SMG1: variants seen among roughly 807,000 people sequenced by gnomAD.
SMG1 encodes the protein SMG1 nonsense mediated mRNA decay associated PI3K related kinase, also known as serine/threonine-protein kinase SMG1.
In SMG1, 22 loss-of-function variants were observed where a neutral mutation model predicts 419.9. The observed-to-expected ratio is 0.05, with a 90% CI of 0.04 to 0.07. SMG1 has a LOEUF of 0.07. SMG1 is among the 10% of genes least tolerant of loss of function. The pLI, the probability that SMG1 is intolerant of heterozygous loss-of-function variation, is 1.00. For missense variants in SMG1, 3,185 were observed against 4,342.0 expected (o/e 0.73, Z 7.49); for synonymous variants, 1,538 against 1,553.5 (o/e 0.99, Z 0.23).
chr16:18,814,064 A>T (rs942664253), intron 60 of SMG1, among the ~76,000 whole-genome samples: 1 of 148,316 alleles, frequency 6.7e-6, no homozygotes, highest in Non-Finnish European at 1.5e-5. Flanking sequence ...AAATTAAAAA[A>T]AAATAAAATA....
intron 1 of SMG1, among the ~76,000 whole-genome samples, chr16:18,915,880 C>T (rs1203601403): frequency 3.3e-5 from 5 of 150,824 alleles, no homozygotes; most frequent in Admixed American, 3.3e-4. Flanking sequence ...ACCAGCCTGG[C>T]CAACATGGTG....
intron 33 of SMG1, among the ~76,000 whole-genome samples, chr16:18,851,407 A>ACACACACG (rs1417519628): frequency 2.0e-5 from 3 of 151,812 alleles, no homozygotes; most frequent in Non-Finnish European, 2.9e-5. Flanking sequence ...ACACACACAC[A>ACACACACG]CGCGCACGCG....
At chr16:18,883,176 T>A (rs547955377) in intron 9 of SMG1, among the ~76,000 whole-genome samples, 1 of 152,082 alleles carries the variant, frequency 6.6e-6, no homozygotes, top group African/African-American at 2.4e-5. Context: ...GGAGCCTTGA[T>A]TGGTTGATCT....
intron 10 of SMG1, among the ~76,000 whole-genome samples, chr16:18,881,669 GGCT>G (rs1296374569): frequency 2.0e-5 from 3 of 152,062 alleles, no homozygotes; most frequent in African/African-American, 7.2e-5. Flanking sequence ...TAATGTTTGA[GGCT>G]GCTGAAGTGT....
At chr16:18,850,756 A>G (rs1338028216) in intron 33 of SMG1, among the ~76,000 whole-genome samples, 2 of 151,670 alleles carry the variant, frequency 1.3e-5, no homozygotes, top group Non-Finnish European at 2.9e-5. Flanking sequence ...ACCTGCAGAA[A>G]TTTTTTTTTC....
At chr16:18,919,756 A>G (rs2038122460) in intron 1 of SMG1, among the ~76,000 whole-genome samples, 1 of 151,764 alleles carries the variant, frequency 6.6e-6, no homozygotes, top group Non-Finnish European at 1.5e-5. Context: ...ACCTGTTATA[A>G]AAAACAAACA....
In SMG1 at chr16:18,898,115, T is replaced by C. The variant is rs377759045; in HGVS notation, c.93-1159A>G. 7.3e-4 allele frequency among the ~76,000 whole-genome samples: 111 copies of C among 152,290 alleles called. 2 individuals are homozygous for C. The East Asian group carries it at 0.017, about 23-fold the overall frequency. On this transcript the variant is annotated intron_variant, in intron 1 of 62. Coordinates refer to ENST00000446231, the MANE Select transcript of SMG1 (RefSeq NM_015092.5). ...TAGAGTTTATTAGTCTTTCCTTGCT[T>C]CCAAAAATACTAAACATAAAACTTA...
chr16:18,883,352 G>C (rs1380798621), intron 9 of SMG1, among the ~76,000 whole-genome samples: 3 of 152,226 alleles, frequency 2.0e-5, no homozygotes, highest in Non-Finnish European at 2.9e-5. Flanking sequence ...GCCAAGGCTT[G>C]TCCTCCAAAG....
intron 42 of SMG1, 89 bp downstream of exon 42, chr16:18,839,609 G>A: frequency 6.6e-7 from 1 of 1,520,404 alleles, no homozygotes; most frequent in Non-Finnish European, 9.0e-7. Context: ...GACAGAGGAA[G>A]GAAGGGAAGG....
rs550552539 is a variant in SMG1, at chr16:18,861,264, T to C, written c.3696-488A>G. ...CTGCTGGCATCCCTCCGTCTCTCCC[T>C]TTTTCACCTACTTCTCTTTTTTCAA... On this transcript the variant is annotated intron_variant, in intron 25 of 62. Transcript: ENST00000446231. 212 of 152,078 alleles carry C rather than the reference T, an allele frequency of 1.4e-3. 2 individuals are homozygous for C. Among genetic ancestry groups the C allele is most frequent in the Non-Finnish European group, 1.8e-4 (12 of 68,182 alleles). The allele number at this position is 152,078 out of a possible 1,614,324, so 9.4% of individuals were successfully genotyped here. A position where few individuals can be genotyped will look rare whatever the true frequency, so the allele number is the denominator to read the frequency against.
intron 1 of SMG1, among the ~76,000 whole-genome samples, chr16:18,921,770 A>G (rs1005395023): frequency 1.3e-5 from 2 of 152,224 alleles, no homozygotes; most frequent in African/African-American, 4.8e-5. Flanking sequence ...TCACAACATC[A>G]GACATACTAG....
intron 4 of SMG1, among the ~76,000 whole-genome samples, chr16:18,891,980 T>G (rs1405427486): frequency 6.6e-6 from 1 of 152,194 alleles, no homozygotes; most frequent in Non-Finnish European, 1.5e-5. Flanking sequence ...AGTGGGAGGA[T>G]AGCTTGAATC....
At chr16:18,913,725 CTAA>C (rs1470832542) in intron 1 of SMG1, among the ~76,000 whole-genome samples, 3 of 151,760 alleles carry the variant, frequency 2.0e-5, no homozygotes, top group African/African-American at 7.3e-5. Context: ...TGCTAAGCCT[CTAA>C]TAATATTCTT....
At position 18,806,808 on chromosome 16, in the gene SMG1, G is replaced by GT. The variant is rs1043173273; in HGVS notation, c.*2760dup. On this transcript the variant is annotated 3_prime_UTR_variant, in exon 63 of 63. Transcript: ENST00000446231. ...GGAGAGGATCCCTGGTTTTCCACAG[G>GT]TATTTTATCAAAAATGTATGACTTC... 2 of 152,166 alleles carry GT rather than the reference G, an allele frequency of 1.3e-5. No homozygotes were observed. The highest frequency in any genetic ancestry group is 4.8e-5 in the African/African-American group (2 of 41,436). The allele number at this position is 152,166 out of a possible 1,614,324, so 9.4% of individuals were successfully genotyped here.
At chr16:18,819,026 T>G (rs1225378350) in intron 56 of SMG1, among the ~76,000 whole-genome samples, 2 of 152,002 alleles carry the variant, frequency 1.3e-5, no homozygotes, top group African/African-American at 4.8e-5. Context: ...ACCATATTGG[T>G]CACGCTGGTC....
At chr16:18,827,592 G>T (rs2650652) in intron 55 of SMG1, among the ~76,000 whole-genome samples, 127,370 of 129,948 alleles carry the variant, frequency 0.98, 62,559 homozygotes, top group East Asian at 1. Context: ...TATATTTTTA[G>T]ATATATTTGG....
intron 15 of SMG1, among the ~76,000 whole-genome samples, 195 bp from the exon 16 acceptor site, chr16:18,871,677 G>A (rs574061321): frequency 3.4e-4 from 51 of 152,160 alleles, no homozygotes; most frequent in African/African-American, 1.2e-3. Flanking sequence ...ACCTCCCAAC[G>A]CAGCATGATA....
chr16:18,895,729 A>AT (rs1054022361), intron 3 of SMG1, among the ~76,000 whole-genome samples: 8 of 151,872 alleles, frequency 5.3e-5, no homozygotes, highest in African/African-American at 1.9e-4. Context: ...CTCTCTATAT[A>AT]TATCTATATC....
intron 33 of SMG1, among the ~76,000 whole-genome samples, chr16:18,850,832 A>G (rs1042172992): frequency 2.6e-5 from 4 of 151,980 alleles, no homozygotes; most frequent in African/African-American, 9.7e-5. Flanking sequence ...GCTCACTGCA[A>G]CCTCTCTGCC....
Sources: gnomAD v4.1 joint callset for allele counts (sites outside exome capture counted in the v4.1 genomes callset) on GRCh38, gnomAD v4.1.1 for gene constraint, MANE v1.5 for transcripts, NCBI Gene and HGNC (gene_info 2026-07-23, HGNC 2026-07-21) for gene names.